SLX4IP: variants seen among roughly 807,000 people sequenced by gnomAD.
SLX4IP encodes protein SLX4IP.
Under a neutral mutation model 32.9 loss-of-function variants are expected in SLX4IP, and 34 were observed. The ratio of observed to expected loss-of-function variants is 1.03; its 90% confidence interval spans 0.79 to 1.38. The LOEUF is 1.38. Ranked by LOEUF, SLX4IP falls within the 40% of genes most tolerant of loss-of-function variation. SLX4IP has a pLI of 0.00. For missense variants in SLX4IP, 444 were observed against 479.0 expected (o/e 0.93, Z 0.68); for synonymous variants, 172 against 171.7 (o/e 1.00, Z -0.01).
In SLX4IP at chr20:10,437,830, A is replaced by G. The variant is rs56023693; in HGVS notation, c.-30+2377A>G. Among the ~76,000 whole-genome samples, 673 of 152,350 alleles carry G rather than the reference A, an allele frequency of 4.4e-3. 7 individuals carry two copies. The highest frequency in any genetic ancestry group is 0.015 in the African/African-American group (638 of 41,578). On this transcript the variant is annotated intron_variant, in intron 1 of 7. Transcript: ENST00000334534. ...ACCTCATATTGTGTGTGGCAGTAGA[A>G]CATGATGGGTTAGGAAATTAACTCT...
intron 2 of SLX4IP, among the ~76,000 whole-genome samples, chr20:10,509,836 G>A (rs1568715593): frequency 6.6e-6 from 1 of 151,968 alleles, no homozygotes; most frequent in Non-Finnish European, 1.5e-5. Context: ...CTACAGGTGT[G>A]TACCACCATG....
intron 2 of SLX4IP, among the ~76,000 whole-genome samples, chr20:10,477,760 T>C (rs1449381491): frequency 6.6e-6 from 1 of 152,240 alleles, no homozygotes; most frequent in Non-Finnish European, 1.5e-5. Flanking sequence ...CTTAGCTTAA[T>C]TAGTAATCAA....
intron 4 of SLX4IP, among the ~76,000 whole-genome samples, chr20:10,577,527 G>A (rs2066535698): frequency 6.6e-6 from 1 of 152,018 alleles, no homozygotes; most frequent in African/African-American, 2.4e-5. Context: ...ATCTACCTGG[G>A]CAACATAACA....
At chr20:10,436,435 C>T (rs2122307540) in intron 1 of SLX4IP, among the ~76,000 whole-genome samples, 1 of 152,230 alleles carries the variant, frequency 6.6e-6, no homozygotes, top group South Asian at 2.1e-4. Flanking sequence ...TGGCTCACTG[C>T]CATCTCCGCC....
intron 6 of SLX4IP, among the ~76,000 whole-genome samples, chr20:10,604,076 G>A (rs1023121199): frequency 6.6e-6 from 1 of 152,164 alleles, no homozygotes; most frequent in Non-Finnish European, 1.5e-5. Flanking sequence ...GCTCCTGTGA[G>A]TATTCCCTGG....
In SLX4IP at chr20:10,627,174, G is replaced by A. The variant is rs908340229; in HGVS notation, c.*3795G>A. The A allele has an allele frequency of 3.3e-5, 5 of 152,190 alleles. No homozygotes were observed. Among genetic ancestry groups the A allele is most frequent in the African/African-American group, 1.2e-4 (5 of 41,444 alleles). The allele number at this position is 152,190 out of a possible 1,614,324, so 9.4% of individuals were successfully genotyped here. ...TGGAGGTAACAGATGCCTTTCCTAA[G>A]AACTCAAAGTTCTCTTTTCAGCGTG... On this transcript the variant is annotated 3_prime_UTR_variant, in exon 8 of 8. Transcript: ENST00000334534.
At chr20:10,465,868 G>T (rs2065376575) in intron 2 of SLX4IP, among the ~76,000 whole-genome samples, 1 of 152,176 alleles carries the variant, frequency 6.6e-6, no homozygotes, top group Non-Finnish European at 1.5e-5. Flanking sequence ...TGTTCAGTAG[G>T]CACCACTGGC....
intron 4 of SLX4IP, among the ~76,000 whole-genome samples, chr20:10,596,140 C>G (rs1600140912): frequency 1.3e-5 from 2 of 152,272 alleles, no homozygotes; most frequent in East Asian, 3.9e-4. Flanking sequence ...ATTTAGCTGT[C>G]ACTCAAGTAG....
intron 6 of SLX4IP, among the ~76,000 whole-genome samples, chr20:10,605,367 G>A (rs913450202): frequency 1.3e-5 from 2 of 152,128 alleles, no homozygotes; most frequent in Non-Finnish European, 2.9e-5. Context: ...AAGTGTGTTG[G>A]CCCTCAAGGA....
intron 6 of SLX4IP, among the ~76,000 whole-genome samples, chr20:10,603,055 A>G (rs572443078): frequency 1.3e-5 from 2 of 152,220 alleles, no homozygotes. Flanking sequence ...CAGGATGTTG[A>G]GTTATCTTCG....
intron 2 of SLX4IP, among the ~76,000 whole-genome samples, chr20:10,522,332 C>T (rs2065906827): frequency 6.6e-6 from 1 of 152,108 alleles, no homozygotes; most frequent in Non-Finnish European, 1.5e-5. Context: ...TGACAGAAAT[C>T]AGTGTTTTCA....
chr20:10,440,050 T>C (rs892538839), intron 1 of SLX4IP, among the ~76,000 whole-genome samples: 2 of 152,238 alleles, frequency 1.3e-5, no homozygotes, highest in Non-Finnish European at 2.9e-5. Flanking sequence ...TATGGGATAA[T>C]ATATAGAATA....
At chr20:10,611,785 G>A (rs1600155448) in intron 6 of SLX4IP, among the ~76,000 whole-genome samples, 1 of 152,212 alleles carries the variant, frequency 6.6e-6, no homozygotes, top group East Asian at 1.9e-4. Context: ...TCTTTTTATA[G>A]ATGAAGAAAC....
At chr20:10,455,579 T>TTTTA (rs142542742) in intron 1 of SLX4IP, among the ~76,000 whole-genome samples, 23,955 of 144,458 alleles carry the variant, frequency 0.17, 2,111 homozygotes, top group Middle Eastern at 0.25. Flanking sequence ...CCTGTATGTC[T>TTTTA]TTTATTTATT....
intron 7 of SLX4IP, among the ~76,000 whole-genome samples, chr20:10,622,438 G>A (rs2067122322): frequency 6.6e-6 from 1 of 152,184 alleles, no homozygotes; most frequent in East Asian, 1.9e-4. Context: ...TGATTGATAA[G>A]CAGTATCATG....
chr20:10,470,059 G>A (rs979494357), intron 2 of SLX4IP, among the ~76,000 whole-genome samples: 7 of 152,174 alleles, frequency 4.6e-5, no homozygotes, highest in African/African-American at 1.7e-4. Context: ...TGGAGATGAT[G>A]GTCGGAGAGT....
chr20:10,451,409 G>T (rs971366790), intron 1 of SLX4IP, among the ~76,000 whole-genome samples: 5 of 151,508 alleles, frequency 3.3e-5, no homozygotes, highest in African/African-American at 7.3e-5. Context: ...ATCCACGTGC[G>T]TTGGCCTCCC....
intron 4 of SLX4IP, among the ~76,000 whole-genome samples, chr20:10,563,026 G>A (rs112777667): frequency 0.029 from 4,417 of 152,154 alleles, 111 homozygotes; most frequent in Admixed American, 0.09. Flanking sequence ...TTAAATTCCC[G>A]TGAATCATGT....
chr20:10,456,194 A>T (rs1433519838), intron 1 of SLX4IP, among the ~76,000 whole-genome samples: 3 of 152,168 alleles, frequency 2.0e-5, no homozygotes, highest in African/African-American at 7.2e-5. Context: ...AGGATATCTC[A>T]TCATGTATGT....
Sources: allele counts gnomAD v4.1 joint callset (sites outside exome capture counted in the v4.1 genomes callset), GRCh38; gene constraint gnomAD v4.1.1; transcripts MANE v1.5; gene names NCBI Gene and HGNC (gene_info 2026-07-23, HGNC 2026-07-21).